The following PDCD6 variants were observed in gnomAD, a reference collection of about 807,000 sequenced individuals.
The protein encoded by PDCD6 is programmed cell death protein 6.
Under a neutral mutation model 28.3 loss-of-function variants are expected in PDCD6, and 12 were observed. The ratio of observed to expected loss-of-function variants is 0.42; its 90% confidence interval spans 0.27 to 0.69. The LOEUF is 0.69. Among genes scored for constraint, PDCD6 ranks in the 30% least tolerant of loss-of-function variants. The pLI is 0.22. For synonymous variants in PDCD6, 92 were observed against 108.0 expected (o/e 0.85, Z 0.92); for missense variants, 226 against 269.9 (o/e 0.84, Z 1.14).
At chr5:287,790 AT>A (rs1739064321) in intron 2 of PDCD6, among the ~76,000 whole-genome samples, 1 of 152,206 alleles carries the variant, frequency 6.6e-6, no homozygotes, top group South Asian at 2.1e-4. Flanking sequence ...TTAAAGTAAT[AT>A]ATTAATTCTT....
chr5:273,608 T>C (rs1737983974), intron 2 of PDCD6, among the ~76,000 whole-genome samples: 1 of 152,142 alleles, frequency 6.6e-6, no homozygotes, highest in South Asian at 2.1e-4. Flanking sequence ...TTGTTATTAG[T>C]GGGAAGTATC....
chr5:288,604 AAAAG>A (rs57307144), intron 2 of PDCD6, among the ~76,000 whole-genome samples: 36,228 of 151,046 alleles, frequency 0.24, 6,745 homozygotes, highest in African/African-American at 0.52. Flanking sequence ...TGCCCAGACC[AAAAG>A]AAAGAAAGAA....
chr5:292,101 T>C (rs755747895), intron 2 of PDCD6, among the ~76,000 whole-genome samples: 14 of 152,212 alleles, frequency 9.2e-5, no homozygotes, highest in Non-Finnish European at 1.9e-4. Flanking sequence ...TTTGCCCATC[T>C]GGTGGGTGTC....
chr5:287,788 ATATAT>A (rs1739063880), intron 2 of PDCD6, among the ~76,000 whole-genome samples: 1 of 152,198 alleles, frequency 6.6e-6, no homozygotes, highest in African/African-American at 2.4e-5. Context: ...TATTAAAGTA[ATATAT>A]TAATTCTTCC....
intron 2 of PDCD6, among the ~76,000 whole-genome samples, chr5:299,687 C>T (rs139751888): frequency 0.06 from 9,075 of 151,924 alleles, 359 homozygotes; most frequent in Non-Finnish European, 0.085. Context: ...GTAGCTGGGA[C>T]TACAGGCACA....
intron 2 of PDCD6, chr5:273,212 G>T (rs552779654): frequency 5.6e-6 from 1 of 178,384 alleles, no homozygotes; most frequent in Non-Finnish European, 1.2e-5. Flanking sequence ...GTATGGGAAT[G>T]TGGCTGTTAC....
intron 2 of PDCD6, among the ~76,000 whole-genome samples, chr5:284,360 G>C (rs1199446015): frequency 6.6e-6 from 1 of 152,178 alleles, no homozygotes; most frequent in African/African-American, 2.4e-5. Context: ...GGGAGGAGCT[G>C]TTCTGGTTTG....
intron 2 of PDCD6, chr5:276,440 TCTTC>T: frequency 1.2e-5 from 12 of 987,000 alleles, no homozygotes; most frequent in Non-Finnish European, 1.4e-5. Flanking sequence ...ACACATATCC[TCTTC>T]CTTCTTCTCT....
At chr5:308,273 T>C (rs1740658697) in intron 4 of PDCD6, 1 of 152,302 alleles carries the variant, frequency 6.6e-6, no homozygotes, top group South Asian at 2.1e-4. Flanking sequence ...GAATGTGCAG[T>C]GGAAGTTGCT....
intron 2 of PDCD6, among the ~76,000 whole-genome samples, chr5:278,420 A>T (rs1301382303): frequency 6.6e-6 from 1 of 151,906 alleles, no homozygotes; most frequent in African/African-American, 2.4e-5. Flanking sequence ...GTAGAGAAAA[A>T]TAAAGCAGGC....
chr5:299,563 T>C (rs191167777), intron 2 of PDCD6, among the ~76,000 whole-genome samples: 2 of 152,074 alleles, frequency 1.3e-5, no homozygotes, highest in Admixed American at 1.3e-4. Flanking sequence ...TTTTTTTTTT[T>C]CTTTAAGACA....
In PDCD6 at chr5:278,278, A is replaced by T. The variant is rs1738333278; in HGVS notation, c.163+5506A>T. Among the ~76,000 whole-genome samples the T allele has an allele frequency of 2.6e-5, 4 of 152,144 alleles. No homozygotes were observed. The South Asian group carries it at 8.3e-4, about 32-fold the overall frequency. The stretch of plus-strand genomic sequence containing the variant: ...TTAGAACACACCATTCATGTGCCAG[A>T]CCCTGTCCAGGCACTGGGGATAGGG... On this transcript the variant is annotated intron_variant, in intron 2 of 5. Coordinates refer to ENST00000264933, the MANE Select transcript of PDCD6 (RefSeq NM_013232.4).
At chr5:279,431 G>A (rs992102322) in intron 2 of PDCD6, among the ~76,000 whole-genome samples, 13 of 152,212 alleles carry the variant, frequency 8.5e-5, no homozygotes, top group African/African-American at 2.9e-4. Flanking sequence ...GCTGTGGAAT[G>A]AGAGGCGTGT....
chr5:297,779 AT>A (rs1445263190), intron 2 of PDCD6, among the ~76,000 whole-genome samples: 2 of 152,242 alleles, frequency 1.3e-5, no homozygotes, highest in Non-Finnish European at 2.9e-5. Flanking sequence ...CACATTCTTC[AT>A]TCAGAATATG....
chr5:292,443 G>A (rs1739370234), intron 2 of PDCD6, among the ~76,000 whole-genome samples: 2 of 152,054 alleles, frequency 1.3e-5, no homozygotes, highest in Non-Finnish European at 2.9e-5. Flanking sequence ...ATTTTTACTA[G>A]AGATGGGGTT....
At position 283,477 on chromosome 5, in the gene PDCD6, A is replaced by G. The variant is rs536106587; in HGVS notation, c.163+10705A>G. On this transcript the variant is annotated intron_variant, in intron 2 of 5. Coordinates refer to ENST00000264933, the MANE Select transcript of PDCD6 (RefSeq NM_013232.4). ...ACCCAGAGAGGAGCTGATGTTCTAG[A>G]TTGAGGATCTTGTAGCTACAGACCC... is the stretch of plus-strand genomic sequence containing the variant. Among the ~76,000 whole-genome samples the G allele has an allele frequency of 1.2e-3, 143 of 118,680 alleles. 1 individual carries two copies. Among genetic ancestry groups the G allele is most frequent in the Admixed American group, 1.3e-3 (15 of 11,986 alleles). 77.9% of individuals were successfully genotyped at this position (118,680 alleles called of 152,430 possible).
chr5:273,042 A>G, intron 2 of PDCD6: 1 of 496,586 alleles, frequency 2.0e-6, no homozygotes. Context: ...TAGGTTTAGG[A>G]GGGGAATAGG....
intron 2 of PDCD6, chr5:289,046 C>G (rs1433366236): frequency 1.6e-6 from 2 of 1,286,382 alleles, no homozygotes; most frequent in Non-Finnish European, 2.3e-6. Context: ...CAGATTCCTC[C>G]ATTTGATTAT....
chr5:297,474 A>G (rs919335435), intron 2 of PDCD6, among the ~76,000 whole-genome samples: 8 of 152,246 alleles, frequency 5.3e-5, no homozygotes, highest in African/African-American at 1.9e-4. Flanking sequence ...TTTCAAGTGT[A>G]AAAGTGTTTC....
Sources: gnomAD v4.1 joint callset for allele counts (sites outside exome capture counted in the v4.1 genomes callset) on GRCh38, gnomAD v4.1.1 for gene constraint, MANE v1.5 for transcripts, NCBI Gene and HGNC (gene_info 2026-07-23, HGNC 2026-07-21) for gene names.